PIGK: variants seen among roughly 807,000 people sequenced by gnomAD.
PIGK encodes the protein phosphatidylinositol glycan anchor biosynthesis class K.
A neutral mutation model predicts 50.6 loss-of-function variants in PIGK; 42 were observed. The observed-to-expected ratio is 0.83, with a 90% CI of 0.65 to 1.07. PIGK has a LOEUF of 1.07. Ranked by LOEUF, PIGK falls within the 50% of genes least tolerant of loss-of-function variation. PIGK has a pLI of 0.00. For missense variants in PIGK, 448 were observed against 488.7 expected (o/e 0.92, Z 0.78); for synonymous variants, 151 against 156.0 (o/e 0.97, Z 0.24).
intron 3 of PIGK, among the ~76,000 whole-genome samples, chr1:77,178,604 T>G (rs138561626): frequency 0.015 from 2,348 of 152,228 alleles, 58 homozygotes; most frequent in African/African-American, 0.054. Context: ...AGTAGACTCT[T>G]TATCTAGCTC....
chr1:77,116,196 T>C (rs902393603), intron 10 of PIGK, among the ~76,000 whole-genome samples: 2 of 152,090 alleles, frequency 1.3e-5, no homozygotes, highest in Admixed American at 1.3e-4. Flanking sequence ...TTTCTCTTTT[T>C]TTTTTGAGAC....
chr1:77,131,409 C>G (rs964936679), intron 9 of PIGK, among the ~76,000 whole-genome samples: 1 of 151,954 alleles, frequency 6.6e-6, no homozygotes, highest in African/African-American at 2.4e-5. Flanking sequence ...TTTCCTTACT[C>G]CATTAGTTGA....
At chr1:77,163,252 C>T (rs1021328510) in intron 6 of PIGK, among the ~76,000 whole-genome samples, 10 of 152,058 alleles carry the variant, frequency 6.6e-5, no homozygotes, top group Non-Finnish European at 1.3e-4. Flanking sequence ...ACTTTGAAGG[C>T]AGAATAAGCA....
chr1:77,130,256 G>A (rs1347634513), intron 9 of PIGK, among the ~76,000 whole-genome samples: 1 of 67,412 alleles, frequency 1.5e-5, no homozygotes, highest in Non-Finnish European at 2.4e-5. Context: ...TTTTCTATTA[G>A]CTGTGATTTG....
intron 3 of PIGK, among the ~76,000 whole-genome samples, chr1:77,176,558 T>G (rs1043149756): frequency 5.9e-5 from 9 of 152,178 alleles, no homozygotes; most frequent in Non-Finnish European, 8.8e-5. Flanking sequence ...TCACTTCCAG[T>G]TAATTGCTTA....
Position 77,161,402 on chromosome 1 carries a change from G to A in PIGK, c.706C>T (p.Gln236Ter). 1 of 1,540,604 alleles carries A rather than the reference G, an allele frequency of 6.5e-7. No homozygotes were observed. ...TGGACTCCAATTGCAGGATCAGGTT[G>A]ATGCTATGGAAAGGGGGAAAAAAAG... is the stretch of plus-strand genomic sequence containing the variant. ...SQVGEDSLSHQPDPAIGVHLM... is the reference protein window; with the variant it reads ...SQVGEDSLSH The change falls in exon 8 of 11, where the codon CAA (glutamine) becomes TAA (stop). Residue 236 changes from glutamine (Q) to a stop codon, truncating the protein, a stop_gained. Transcript: ENST00000370812. LOFTEE classifies it high-confidence loss of function.
rs1350696485 is a variant in PIGK, at chr1:77,161,295, A to G, written c.813T>C (p.Leu271=). ...ATAATCAAATCAAGTGAATACTTACAAGGTCATTCATATTAGTTTGGCTAG... is the reference window on the plus strand; with the variant it reads ...ATAATCAAATCAAGTGAATACTTACGAGGTCATTCATATTAGTTTGGCTAG... The part of the protein sequence containing the change: ...NPASQTNMND[L]FQVCPKSLCV... Residue 271 remains leucine (L), a splice_region_variant and synonymous_variant, in exon 8 of 11, where the codon CTT becomes CTC. Transcript: ENST00000370812. 2.2e-6 allele frequency: 3 copies of G among 1,390,974 alleles called. No homozygotes were observed. In the African/African-American group the frequency reaches 4.3e-5, roughly 20 times the overall value. 86.2% of individuals were successfully genotyped at this position (1,390,974 alleles called of 1,614,324 possible).
intron 9 of PIGK, among the ~76,000 whole-genome samples, chr1:77,138,223 G>A (rs536251914): frequency 5.4e-4 from 83 of 152,312 alleles, no homozygotes; most frequent in African/African-American, 1.8e-3. Flanking sequence ...GAAGGAGACT[G>A]TCCTGAATGG....
At chr1:77,143,488 C>T (rs897868058) in intron 9 of PIGK, among the ~76,000 whole-genome samples, 1 of 151,884 alleles carries the variant, frequency 6.6e-6, no homozygotes, top group Admixed American at 6.6e-5. Flanking sequence ...GTATCATTTA[C>T]CAGGTCCATT....
intron 3 of PIGK, chr1:77,195,343 C>A: frequency 2.4e-6 from 3 of 1,275,590 alleles, no homozygotes; most frequent in Non-Finnish European, 3.4e-6. Flanking sequence ...GTTGAGCCAG[C>A]GGGCGGAGGC....
At chr1:77,100,793 C>T (rs143937743) in intron 10 of PIGK, among the ~76,000 whole-genome samples, 3 of 152,258 alleles carry the variant, frequency 2.0e-5, no homozygotes, top group East Asian at 1.9e-4. Context: ...CAGAATCAAG[C>T]GGCCGTGTTG....
At chr1:77,114,897 T>C (rs1158942568) in intron 10 of PIGK, among the ~76,000 whole-genome samples, 2 of 152,174 alleles carry the variant, frequency 1.3e-5, no homozygotes. Context: ...GGGAAAGCGC[T>C]ACAAGATTTT....
intron 10 of PIGK, among the ~76,000 whole-genome samples, chr1:77,103,464 C>A (rs1207097295): frequency 6.6e-6 from 1 of 152,134 alleles, no homozygotes; most frequent in Non-Finnish European, 1.5e-5. Context: ...AAATTAAATG[C>A]TAAGGAATTA....
At chr1:77,199,345 T>C (rs1557429298) in intron 3 of PIGK, among the ~76,000 whole-genome samples, 1 of 152,072 alleles carries the variant, frequency 6.6e-6, no homozygotes, top group Non-Finnish European at 1.5e-5. Context: ...ATAAGTATAC[T>C]TATTCAAACA....
At chr1:77,100,901 C>T (rs1653527225) in intron 10 of PIGK, among the ~76,000 whole-genome samples, 1 of 152,122 alleles carries the variant, frequency 6.6e-6, no homozygotes, top group Non-Finnish European at 1.5e-5. Flanking sequence ...AAACAGTAGG[C>T]TTGGAAGAGA....
chr1:77,097,973 A>C (rs1653458461), intron 10 of PIGK, among the ~76,000 whole-genome samples: 2 of 152,160 alleles, frequency 1.3e-5, no homozygotes, highest in Admixed American at 6.5e-5. Flanking sequence ...ATATTAAAAA[A>C]TATATATAAC....
At chr1:77,213,679 A>G (rs1020183442) in intron 1 of PIGK, among the ~76,000 whole-genome samples, 8 of 152,126 alleles carry the variant, frequency 5.3e-5, no homozygotes, top group African/African-American at 1.9e-4. Flanking sequence ...AAAATAAGAA[A>G]AGAAATAATA....
At chr1:77,120,673 T>C (rs1386219799) in intron 10 of PIGK, among the ~76,000 whole-genome samples, 2 of 152,058 alleles carry the variant, frequency 1.3e-5, no homozygotes, top group Non-Finnish European at 2.9e-5. Flanking sequence ...AAATGAAGAG[T>C]CTGCTATTAA....
intron 10 of PIGK, among the ~76,000 whole-genome samples, chr1:77,108,813 C>A (rs769036924): frequency 2.0e-5 from 3 of 152,094 alleles, no homozygotes; most frequent in Non-Finnish European, 4.4e-5. Context: ...TTTCTCTAAA[C>A]GTCTCTTCTC....
Sources: allele counts gnomAD v4.1 joint callset (sites outside exome capture counted in the v4.1 genomes callset), GRCh38; gene constraint gnomAD v4.1.1; transcripts MANE v1.5; gene names NCBI Gene and HGNC (gene_info 2026-07-23, HGNC 2026-07-21).